Variants in PTPRQ observed in about 807,000 individuals in gnomAD.
The protein encoded by PTPRQ is protein tyrosine phosphatase receptor type Q.
A neutral mutation model predicts 246.0 loss-of-function variants in PTPRQ; 199 were observed. The observed-to-expected ratio is 0.81, with a 90% CI of 0.72 to 0.91. The LOEUF is 0.91. Among genes scored for constraint, PTPRQ ranks in the 40% least tolerant of loss-of-function variants. PTPRQ has a pLI of 0.00. For missense variants in PTPRQ, 2,624 were observed against 2,528.4 expected (o/e 1.04, Z -0.81); for synonymous variants, 869 against 853.2 (o/e 1.02, Z -0.32).
At chr12:80,523,466 A>G (rs1895576470) in intron 17 of PTPRQ, among the ~76,000 whole-genome samples, 1 of 152,192 alleles carries the variant, frequency 6.6e-6, no homozygotes, top group South Asian at 2.1e-4. Flanking sequence ...TAGGGTGTCA[A>G]TTTTAGATCT....
chr12:80,652,852 T>C lies in PTPRQ; in HGVS notation c.6115+18T>C. On this transcript the variant is annotated intron_variant, in intron 38 of 44. Coordinates refer to ENST00000644991, the MANE Select transcript of PTPRQ (RefSeq NM_001145026.2). ...AAAACCATGTATGTGCATTTGTTGG[T>C]TTTGGTTTAGCTAGGAAATATTTTT... The C allele has an allele frequency of 6.8e-7, 1 of 1,464,840 alleles. No homozygotes were observed. Among genetic ancestry groups the C allele is most frequent in the Non-Finnish European group, 9.0e-7 (1 of 1,109,858 alleles). The allele number at this position is 1,464,840 out of a possible 1,614,324, so 90.7% of individuals were successfully genotyped here. A position where few individuals can be genotyped will look rare whatever the true frequency, so the allele number is the denominator to read the frequency against.
chr12:80,603,833 C>T (rs1468897437), intron 26 of PTPRQ, among the ~76,000 whole-genome samples: 1 of 151,592 alleles, frequency 6.6e-6, no homozygotes, highest in Admixed American at 6.6e-5. Context: ...TCTGTATCAT[C>T]ACTTTGCTCT....
chr12:80,553,726 A>T (rs1179039390), intron 25 of PTPRQ, among the ~76,000 whole-genome samples: 2 of 152,188 alleles, frequency 1.3e-5, no homozygotes, highest in Admixed American at 1.3e-4. Flanking sequence ...ATGTTGGAAC[A>T]GGGCAGTAAA....
intron 25 of PTPRQ, among the ~76,000 whole-genome samples, chr12:80,582,335 A>G (rs536134912): frequency 6.6e-6 from 1 of 152,294 alleles, no homozygotes; most frequent in African/African-American, 2.4e-5. Flanking sequence ...TTTTACTCTC[A>G]AAAGTGACCT....
At chr12:80,678,505 G>A (rs1901216134) in intron 43 of PTPRQ, 97 bp from the exon 44 acceptor site, 2 of 1,306,030 alleles carry the variant, frequency 1.5e-6, no homozygotes, top group Admixed American at 3.5e-5. Context: ...CTATTTATTT[G>A]ATGAATTCAG....
chr12:80,676,304 T>C (rs1238582883), intron 43 of PTPRQ, among the ~76,000 whole-genome samples: 1 of 152,164 alleles, frequency 6.6e-6, no homozygotes, highest in Non-Finnish European at 1.5e-5. Context: ...CTGAGGTGTA[T>C]AGCCCTTACC....
intron 7 of PTPRQ, 149 bp downstream of exon 7, chr12:80,468,987 T>A: frequency 8.8e-7 from 1 of 1,136,720 alleles, no homozygotes; most frequent in Non-Finnish European, 1.2e-6. Flanking sequence ...GAAGGGGAGG[T>A]CCTTTGATTT....
intron 34 of PTPRQ, among the ~76,000 whole-genome samples, chr12:80,634,400 A>T (rs2121175573): frequency 6.6e-6 from 1 of 152,260 alleles, no homozygotes; most frequent in Non-Finnish European, 1.5e-5. Context: ...TTATTTTTGA[A>T]CCTAAGTTTT....
chr12:80,658,052 C>A lies in PTPRQ; in HGVS notation c.6183C>A (p.Ser2061Arg). 7.2e-7 allele frequency: 1 copy of A among 1,391,084 alleles called. No homozygotes were observed. The highest frequency in any genetic ancestry group is 9.4e-7 in the Non-Finnish European group (1 of 1,060,244). 86.2% of individuals were successfully genotyped at this position (1,391,084 alleles called of 1,614,324 possible). A position where few individuals can be genotyped will look rare whatever the true frequency, so the allele number is the denominator to read the frequency against. ...SVPGSDYINA[S>R]YISGYLCPNE... The stretch of plus-strand genomic sequence containing the variant: ...CAGGTTCGGATTATATTAATGCCAG[C>A]TATATTTCTGTAAGTTACTATTTTA... Residue 2061 changes from serine to arginine, a missense_variant, in exon 39 of 45, where the codon AGC becomes AGA. Ser to Arg is a moderately radical substitution (Grantham distance 110). Coordinates refer to ENST00000644991, the MANE Select transcript of PTPRQ (RefSeq NM_001145026.2).
intron 14 of PTPRQ, among the ~76,000 whole-genome samples, chr12:80,501,880 G>T (rs1473763303): frequency 1.3e-5 from 2 of 151,586 alleles, no homozygotes; most frequent in Non-Finnish European, 2.9e-5. Context: ...GACTTCACAG[G>T]AGTAGATTTT....
intron 7 of PTPRQ, 95 bp downstream of exon 7, chr12:80,468,933 T>C (rs1460590234): frequency 1.9e-5 from 27 of 1,456,488 alleles, no homozygotes; most frequent in Non-Finnish European, 2.4e-5. Context: ...CAGACTCTTT[T>C]TAAAAGACTC....
At chr12:80,449,705 G>T (rs140691461) in intron 3 of PTPRQ, among the ~76,000 whole-genome samples, 15,929 of 151,594 alleles carry the variant, frequency 0.11, 1,193 homozygotes, top group African/African-American at 0.21. Flanking sequence ...GCATGATTTC[G>T]GAGGGCTCTG....
chr12:80,612,828 A>T (rs1898604513), intron 28 of PTPRQ, among the ~76,000 whole-genome samples: 1 of 150,522 alleles, frequency 6.6e-6, no homozygotes, highest in African/African-American at 2.4e-5. Context: ...CACAAAATGG[A>T]ACACTACTCG....
chr12:80,579,987 A>G (rs1897385702), intron 25 of PTPRQ, among the ~76,000 whole-genome samples: 1 of 152,190 alleles, frequency 6.6e-6, no homozygotes, highest in Non-Finnish European at 1.5e-5. Context: ...TAAATAAACA[A>G]TTTAAACTTG....
chr12:80,637,118 G>C (rs1012967254), intron 35 of PTPRQ, among the ~76,000 whole-genome samples: 2 of 152,072 alleles, frequency 1.3e-5, no homozygotes, highest in African/African-American at 4.8e-5. Flanking sequence ...AATTAGCCCA[G>C]CATGGTGGCA....
chr12:80,461,983 G>T lies in PTPRQ; in HGVS notation c.910+1081G>T, dbSNP rs988030671. On this transcript the variant is annotated intron_variant, in intron 6 of 44. Transcript: ENST00000644991. ...GCATTTTCATCTAAGGTACCCGTTC[G>T]TCTCACTAGGGAGTGCCAGACAGTG... 23 of 605,584 alleles carry T rather than the reference G, an allele frequency of 3.8e-5. 1 individual carries two copies. The Admixed American group carries it at 5.6e-4, about 15-fold the overall frequency. The allele number at this position is 605,584 out of a possible 1,614,324, so 37.5% of individuals were successfully genotyped here. A position where few individuals can be genotyped will look rare whatever the true frequency, so the allele number is the denominator to read the frequency against.
At chr12:80,582,190 C>T (rs1592682207) in intron 25 of PTPRQ, among the ~76,000 whole-genome samples, 2 of 152,144 alleles carry the variant, frequency 1.3e-5, no homozygotes, top group East Asian at 3.8e-4. Context: ...AATGTGCTTA[C>T]TCCATACAAC....
intron 26 of PTPRQ, among the ~76,000 whole-genome samples, chr12:80,590,666 C>CAAAAA (rs35640802): frequency 3.5e-5 from 2 of 57,818 alleles, no homozygotes; most frequent in African/African-American, 5.4e-5. Flanking sequence ...GACTCCGTCT[C>CAAAAA]AAAAAAAAAA....
Position 80,613,629 on chromosome 12 carries a change from G to T in PTPRQ, c.4956G>T (p.Lys1652Asn), listed in dbSNP as rs1249632116. ...KDPPNNMTFQ[K>N]IPDEVTKFQL... Reference sequence around the variant, plus strand: ...CACCTAACAACATGACATTTCAGAAGATACCAGATGAAGTTACAAAATTTC... The same window carrying T: ...CACCTAACAACATGACATTTCAGAATATACCAGATGAAGTTACAAAATTTC... The change falls in exon 29 of 45, where the codon AAG (lysine) becomes AAT (asparagine). Residue 1652 changes from lysine to asparagine, a missense_variant. Lys to Asn is a moderately conservative substitution (Grantham distance 94). Transcript: ENST00000644991. 6.5e-7 allele frequency: 1 copy of T among 1,544,940 alleles called. No homozygotes were observed. Among genetic ancestry groups the T allele is most frequent in the Non-Finnish European group, 8.8e-7 (1 of 1,142,576 alleles).
Sources: gnomAD v4.1 joint callset for allele counts (sites outside exome capture counted in the v4.1 genomes callset) on GRCh38, gnomAD v4.1.1 for gene constraint, MANE v1.5 for transcripts, NCBI Gene and HGNC (gene_info 2026-07-23, HGNC 2026-07-21) for gene names.